SLC25A26: variants seen among roughly 807,000 people sequenced by gnomAD.
SLC25A26 encodes mitochondrial S-adenosylmethionine carrier protein.
A neutral mutation model predicts 37.8 loss-of-function variants in SLC25A26; 36 were observed. The observed-to-expected ratio is 0.95, with a 90% CI of 0.73 to 1.26. SLC25A26 has a LOEUF of 1.26. SLC25A26 is among the 50% of genes most tolerant of loss of function. The pLI, the probability that SLC25A26 is intolerant of heterozygous loss-of-function variation, is 0.00. For synonymous variants in SLC25A26, 129 were observed against 122.5 expected (o/e 1.05, Z -0.35); for missense variants, 390 against 331.1 (o/e 1.18, Z -1.38).
intron 3 of SLC25A26, among the ~76,000 whole-genome samples, chr3:66,245,260 A>AAC (rs1189581256): frequency 1.3e-5 from 2 of 151,768 alleles, no homozygotes; most frequent in Admixed American, 6.6e-5. Flanking sequence ...TAAAAAAAAA[A>AAC]AAAAAAACAA....
intron 1 of SLC25A26, among the ~76,000 whole-genome samples, chr3:66,234,458 T>A (rs2072180302): frequency 6.6e-6 from 1 of 152,172 alleles, no homozygotes; most frequent in Non-Finnish European, 1.5e-5. Context: ...TCTGTGCCCT[T>A]TTGGGTGACG....
intron 5 of SLC25A26, among the ~76,000 whole-genome samples, chr3:66,273,058 T>C (rs2074011308): frequency 6.6e-6 from 1 of 152,124 alleles, no homozygotes; most frequent in South Asian, 2.1e-4. Flanking sequence ...AACCATGTGG[T>C]TTTTGTCTTT....
chr3:66,372,017 C>T (rs1299759877), intron 9 of SLC25A26, among the ~76,000 whole-genome samples: 3 of 152,100 alleles, frequency 2.0e-5, no homozygotes, highest in Non-Finnish European at 4.4e-5. Context: ...CGCTTGAGCC[C>T]GGGAAGTCGA....
Position 66,370,600 on chromosome 3 carries a change from A to AG in SLC25A26, c.707+1dup. ...GGGTCTGGCGGTCACAGGGGCTGGC[A>AG]GGGTAAGACGAGGAATGCCCTCCTT... On this transcript the variant is annotated frameshift_variant and splice_region_variant, in exon 9 of 10. Transcript: ENST00000354883. LOFTEE classifies it high-confidence loss of function. 1.9e-6 allele frequency: 3 copies of AG among 1,613,320 alleles called. No individual in the cohort carries two copies. The highest frequency in any genetic ancestry group is 2.5e-6 in the Non-Finnish European group (3 of 1,179,512).
At chr3:66,263,278 C>A (rs369577923) in intron 4 of SLC25A26, 54 bp from the exon 5 acceptor site, 161 of 1,344,178 alleles carry the variant, frequency 1.2e-4, no homozygotes, top group Admixed American at 1.8e-4. Flanking sequence ...TACAGAATGT[C>A]CTTCAGAAAT....
intron 5 of SLC25A26, among the ~76,000 whole-genome samples, chr3:66,310,987 A>T (rs935296188): frequency 6.6e-6 from 1 of 152,020 alleles, no homozygotes; most frequent in Admixed American, 6.5e-5. Context: ...GATCTTCTCG[A>T]GGAGTATCTT....
intron 1 of SLC25A26, among the ~76,000 whole-genome samples, chr3:66,230,027 A>G (rs2071937614): frequency 1.3e-5 from 2 of 152,230 alleles, no homozygotes; most frequent in South Asian, 4.1e-4. Flanking sequence ...ATTGTCACAC[A>G]TGCTGTGGCA....
chr3:66,235,732 ATCTTT>A (rs1359908250), intron 1 of SLC25A26, among the ~76,000 whole-genome samples: 5 of 152,220 alleles, frequency 3.3e-5, no homozygotes, highest in African/African-American at 1.2e-4. Context: ...ATTGTACATC[ATCTTT>A]TCTTTTTAAA....
At chr3:66,326,937 T>G (rs527365715) in intron 5 of SLC25A26, among the ~76,000 whole-genome samples, 1 of 152,358 alleles carries the variant, frequency 6.6e-6, no homozygotes. Context: ...GATGTTAGCC[T>G]AAGACCCTGG....
intron 1 of SLC25A26, among the ~76,000 whole-genome samples, chr3:66,148,440 T>C (rs2070151625): frequency 6.6e-6 from 1 of 152,148 alleles, no homozygotes; most frequent in Admixed American, 6.5e-5. Context: ...GACAGGACCA[T>C]GGCGAGGATG....
At chr3:66,358,206 A>G (rs1315414371) in intron 6 of SLC25A26, among the ~76,000 whole-genome samples, 1 of 152,202 alleles carries the variant, frequency 6.6e-6, no homozygotes, top group Non-Finnish European at 1.5e-5. Flanking sequence ...ATGAGCAAAT[A>G]TGTAATTTCA....
chr3:66,204,444 A>AAG (rs2106819441), intron 1 of SLC25A26, among the ~76,000 whole-genome samples: 1 of 149,322 alleles, frequency 6.7e-6, no homozygotes, highest in Admixed American at 6.7e-5. Context: ...AAAAAAGAAA[A>AAG]AAAGAAAAAA....
rs377739521 is a variant in SLC25A26, at chr3:66,276,296, A to G, written c.453+12917A>G. On this transcript the variant is annotated intron_variant, in intron 5 of 9. Coordinates refer to ENST00000354883, the MANE Select transcript of SLC25A26 (RefSeq NM_001379210.1). The stretch of plus-strand genomic sequence containing the variant: ...TAGGAGGTGGCAGGACTGGAATTGG[A>G]GGTCAAGTTTGTATAATTCCAAATC... 4.1e-4 allele frequency among the ~76,000 whole-genome samples: 63 copies of G among 152,260 alleles called. No homozygotes were observed. The South Asian group carries it at 6.4e-3, about 16-fold the overall frequency.
chr3:66,265,399 C>T (rs1479103972), intron 5 of SLC25A26, among the ~76,000 whole-genome samples: 1 of 152,160 alleles, frequency 6.6e-6, no homozygotes, highest in Admixed American at 6.5e-5. Context: ...TTTCTAAGTT[C>T]AAAAGTTCGT....
intron 5 of SLC25A26, among the ~76,000 whole-genome samples, chr3:66,279,674 T>C (rs1045195979): frequency 6.6e-6 from 1 of 152,216 alleles, no homozygotes; most frequent in Non-Finnish European, 1.5e-5. Context: ...ATTATGTTAA[T>C]GTTATGATTC....
chr3:66,298,591 T>TA (rs577274750), intron 5 of SLC25A26, among the ~76,000 whole-genome samples: 12 of 152,328 alleles, frequency 7.9e-5, no homozygotes, highest in African/African-American at 2.9e-4. Context: ...AAAGAGCATT[T>TA]AAGGGGCACA....
At chr3:66,157,051 A>C (rs2070293550) in intron 1 of SLC25A26, among the ~76,000 whole-genome samples, 1 of 152,062 alleles carries the variant, frequency 6.6e-6, no homozygotes, top group Non-Finnish European at 1.5e-5. Context: ...TGGACAACAT[A>C]GTGAGACCCC....
intron 1 of SLC25A26, among the ~76,000 whole-genome samples, chr3:66,206,251 C>T (rs1202916858): frequency 6.6e-6 from 1 of 152,158 alleles, no homozygotes; most frequent in African/African-American, 2.4e-5. Flanking sequence ...CAAGCAGATA[C>T]GGGGCAGTGT....
chr3:66,229,324 T>C (rs1553662202), intron 1 of SLC25A26, among the ~76,000 whole-genome samples: 2 of 152,190 alleles, frequency 1.3e-5, no homozygotes, highest in African/African-American at 4.8e-5. Context: ...AGAGGTTAGT[T>C]TCCCTAAGAA....
Sources: allele counts gnomAD v4.1 joint callset (sites outside exome capture counted in the v4.1 genomes callset), GRCh38; gene constraint gnomAD v4.1.1; transcripts MANE v1.5; gene names NCBI Gene and HGNC (gene_info 2026-07-23, HGNC 2026-07-21).